Variants in ARHGEF7 observed in about 807,000 individuals in gnomAD.
ARHGEF7 encodes Rho guanine nucleotide exchange factor 7.
A neutral mutation model predicts 109.8 loss-of-function variants in ARHGEF7; 33 were observed. The observed-to-expected ratio is 0.30, with a 90% confidence interval of 0.23 to 0.40. The LOEUF (loss-of-function observed/expected upper bound fraction) is 0.40, where lower values mean the gene tolerates loss of function less well. Ranked by LOEUF, ARHGEF7 falls within the 10% of genes least tolerant of loss-of-function variation. The probability of loss-of-function intolerance (pLI) is 1.00; values close to 1 mark genes in which losing one functional copy is unlikely to be tolerated. For missense variants in ARHGEF7, 938 were observed against 1,098.5 expected (o/e 0.85, Z 2.07); for synonymous variants, 458 against 424.6 (o/e 1.08, Z -0.97).
intron 2 of ARHGEF7, among the ~76,000 whole-genome samples, chr13:111,201,202 A>G (rs553545319): frequency 3.3e-4 from 51 of 152,292 alleles, no homozygotes; most frequent in African/African-American, 1.2e-3. Context: ...TCTTCCTCAG[A>G]TAGTTTCTCT....
chr13:111,222,165 A>G (rs2084524279), intron 5 of ARHGEF7, among the ~76,000 whole-genome samples: 2 of 152,294 alleles, frequency 1.3e-5, no homozygotes, highest in African/African-American at 2.4e-5. Context: ...GTGTCCTTCA[A>G]TCCAATCAAG....
chr13:111,256,951 G>A (rs1181258843), intron 8 of ARHGEF7, among the ~76,000 whole-genome samples: 1 of 152,220 alleles, frequency 6.6e-6, no homozygotes, highest in East Asian at 1.9e-4. Context: ...TGGTCTTCAA[G>A]ACGTTTGGAC....
chr13:111,283,162 G>A lies in ARHGEF7; in HGVS notation c.1749G>A (p.Pro583=), dbSNP rs760701258. 2.4e-5 allele frequency: 38 copies of A among 1,592,984 alleles called. No homozygotes were observed. Among genetic ancestry groups the A allele is most frequent in the Admixed American group, 1.9e-4 (11 of 56,686 alleles). ...AGCTCCCCTCCCACCCGGTCACTCC[G>A]TCCAGCAAGCACGCAGACAGCAAGC... The part of the protein sequence containing the change: ...SHTLPSHPVT[P]SSKHADSKPA... The change falls in exon 16 of 22, where the codon CCG becomes CCA. Residue 583 remains proline, a synonymous_variant. Coordinates refer to ENST00000646102, the MANE Select transcript of ARHGEF7 (RefSeq NM_001354046.2).
At chr13:111,299,893 T>C (rs9522177) in intron 19 of ARHGEF7, among the ~76,000 whole-genome samples, 52,538 of 152,096 alleles carry the variant, frequency 0.35, 9,819 homozygotes, top group Non-Finnish European at 0.42. Flanking sequence ...CAGGTGCTTG[T>C]GTTCTGTGAT....
intron 8 of ARHGEF7, among the ~76,000 whole-genome samples, chr13:111,245,508 A>G (rs1210196727): frequency 6.6e-6 from 1 of 152,194 alleles, no homozygotes; most frequent in African/African-American, 2.4e-5. Flanking sequence ...AATGCCGATC[A>G]ACTGTAGAAC....
chr13:111,157,623 A>T (rs369352049), intron 2 of ARHGEF7, among the ~76,000 whole-genome samples: 1 of 152,292 alleles, frequency 6.6e-6, no homozygotes, highest in South Asian at 2.1e-4. Context: ...TCACTTGAGG[A>T]TAAGTAACTT....
intron 1 of ARHGEF7, among the ~76,000 whole-genome samples, chr13:111,123,512 TC>T (rs549965119): frequency 2.1e-4 from 32 of 152,278 alleles, no homozygotes; most frequent in African/African-American, 6.7e-4. Flanking sequence ...CCCGTGCCAT[TC>T]TTAACTAGGG....
intron 8 of ARHGEF7, among the ~76,000 whole-genome samples, chr13:111,250,091 C>T (rs1233907825): frequency 6.6e-6 from 1 of 152,170 alleles, no homozygotes; most frequent in Non-Finnish European, 1.5e-5. Context: ...AACCCATTTC[C>T]TTTTAGTTTT....
rs868598400 is a variant in ARHGEF7 at position 111,145,267 on chromosome 13, C to T, written c.166-8638C>T. Among the ~76,000 whole-genome samples the T allele has an allele frequency of 4.6e-5, 7 of 152,108 alleles. No individual in the cohort carries two copies. Among genetic ancestry groups the T allele is most frequent in the Middle Eastern group, 6.8e-3 (2 of 294 alleles). On this transcript the variant is annotated intron_variant, in intron 1 of 21. Transcript: ENST00000646102. This position sits in a 1 kb window ranked among gnomAD's most constrained non-coding sequence, Gnocchi z 4.3. ...TACATTGTGTTCTAATTTTAGATGCCGCCAGGAAGCTCTCCAGGTTAGGGC... is the reference window on the plus strand; with the variant it reads ...TACATTGTGTTCTAATTTTAGATGCTGCCAGGAAGCTCTCCAGGTTAGGGC...
At chr13:111,130,379 C>T (rs2074679761) in intron 1 of ARHGEF7, among the ~76,000 whole-genome samples, 1 of 152,134 alleles carries the variant, frequency 6.6e-6, no homozygotes, top group Non-Finnish European at 1.5e-5. Context: ...ACAGTCTTTA[C>T]CCTGAGCATA....
At chr13:111,134,190 C>T (rs1376839654) in intron 1 of ARHGEF7, among the ~76,000 whole-genome samples, 1 of 152,086 alleles carries the variant, frequency 6.6e-6, no homozygotes, top group Non-Finnish European at 1.5e-5. Context: ...TCCAGTCTAT[C>T]ATTGTTGGAT....
intron 2 of ARHGEF7, among the ~76,000 whole-genome samples, chr13:111,175,651 G>A (rs2078081234): frequency 6.6e-6 from 1 of 152,186 alleles, no homozygotes; most frequent in Admixed American, 6.5e-5. Flanking sequence ...GCTTTGAAAG[G>A]TATTGCCTTG....
chr13:111,292,577 GTAGTTGTTGTTTTA>G, intron 19 of ARHGEF7: 1 of 1,314,522 alleles, frequency 7.6e-7, no homozygotes, highest in Non-Finnish European at 9.7e-7. Context: ...TTCGTAAGGG[GTAGTTGTTGTTTTA>G]TAGCTCCAAA....
rs1555341569 is a variant in ARHGEF7 at position 111,133,812 on chromosome 13, T to TATATATATATATATAA, written c.165+18123_165+18124insATATATATATATAAAT. ...ATATATATATATATATATATATATA[T>TATATATATATATATAA]ATTTATTATACTTTAAGTTCTAGGT... On this transcript the variant is annotated intron_variant, in intron 1 of 21. Coordinates refer to ENST00000646102, the MANE Select transcript of ARHGEF7 (RefSeq NM_001354046.2). 1.4e-4 allele frequency among the ~76,000 whole-genome samples: 9 copies of TATATATATATATATAA among 62,542 alleles called. 1 individual carries two copies. Among genetic ancestry groups the TATATATATATATATAA allele is most frequent in the Non-Finnish European group, 2.2e-4 (8 of 36,174 alleles). 41.0% of individuals were successfully genotyped at this position (62,542 alleles called of 152,430 possible).
At chr13:111,205,399 A>C in intron 3 of ARHGEF7, 26 bp downstream of exon 3, 1 of 1,514,996 alleles carries the variant, frequency 6.6e-7, no homozygotes, top group South Asian at 1.3e-5. Flanking sequence ...ATTGAACTCG[A>C]GGGGGTGGGA....
intron 1 of ARHGEF7, among the ~76,000 whole-genome samples, chr13:111,127,791 C>T (rs1488472225): frequency 2.0e-5 from 3 of 151,534 alleles, no homozygotes. Context: ...GACTATAGGC[C>T]AATAACCCCT....
chr13:111,184,071 G>A (rs2079012865), intron 2 of ARHGEF7, among the ~76,000 whole-genome samples: 1 of 152,148 alleles, frequency 6.6e-6, no homozygotes, highest in Admixed American at 6.5e-5. Context: ...GGGACCAGGT[G>A]GAGATAATTG....
At chr13:111,165,084 G>T (rs2077020770) in intron 2 of ARHGEF7, among the ~76,000 whole-genome samples, 1 of 152,168 alleles carries the variant, frequency 6.6e-6, no homozygotes, top group Admixed American at 6.5e-5. Flanking sequence ...TAGGGGTTGA[G>T]TGGAGGGGAA....
At chr13:111,202,108 G>A (rs1040193150) in intron 2 of ARHGEF7, among the ~76,000 whole-genome samples, 1 of 152,202 alleles carries the variant, frequency 6.6e-6, no homozygotes, top group African/African-American at 2.4e-5. Context: ...AAGTAAGGGT[G>A]AGTGTTTGAA....
Sources: allele counts gnomAD v4.1 joint callset (sites outside exome capture counted in the v4.1 genomes callset), GRCh38; gene constraint gnomAD v4.1.1; non-coding constraint Gnocchi (gnomAD v3.1); transcripts MANE v1.5; gene names NCBI Gene and HGNC (gene_info 2026-07-23, HGNC 2026-07-21).